The following RANBP2 variants were observed in gnomAD, a reference collection of about 807,000 sequenced individuals.
The protein encoded by RANBP2 is RAN binding protein 2, also known as E3 SUMO-protein ligase RanBP2.
A neutral mutation model predicts 303.6 loss-of-function variants in RANBP2; 57 were observed. The ratio of observed to expected loss-of-function variants is 0.19; its 90% CI spans 0.15 to 0.23. RANBP2 has a LOEUF of 0.23. RANBP2 is among the 10% of genes least tolerant of loss of function. The probability of loss-of-function intolerance (pLI) is 1.00; values close to 1 mark genes in which losing one functional copy is unlikely to be tolerated. For missense variants in RANBP2, 3,138 were observed against 3,780.8 expected, an observed-to-expected ratio of 0.83 and a Z score of 4.46; for synonymous variants, 1,167 against 1,301.5, an observed-to-expected ratio of 0.90 and a Z score of 2.23.
chr2:109,592,884 T>C, the RANBP2 span, among the ~76,000 whole-genome samples: 2 of 151,716 alleles, frequency 1.3e-5, no homozygotes, highest in African/African-American at 2.4e-5. Flanking sequence ...AATTATTCAA[T>C]CCATCATCGA....
the RANBP2 span, chr2:108,930,313 A>T: frequency 6.2e-7 from 1 of 1,602,288 alleles, no homozygotes; most frequent in Non-Finnish European, 8.5e-7. Context: ...CAAGACCCCA[A>T]GGTTGACATA....
chr2:109,568,078 C>T, the RANBP2 span: 36 of 911,470 alleles, frequency 3.9e-5, no homozygotes, highest in Non-Finnish European at 5.7e-5. Context: ...ATGAATTTCC[C>T]TAAACCTAGA....
chr2:108,981,636 G>A, the RANBP2 span, among the ~76,000 whole-genome samples: 5 of 152,210 alleles, frequency 3.3e-5, no homozygotes, highest in East Asian at 3.9e-4. Flanking sequence ...ACCTCTGCTC[G>A]ATATATACTA....
the RANBP2 span, chr2:109,546,251 T>G: frequency 5.9e-6 from 9 of 1,526,232 alleles, no homozygotes; most frequent in East Asian, 2.1e-4. Context: ...GAAACAAAAG[T>G]GCAATCCCCA....
At chr2:109,664,163 A>G in the RANBP2 span, among the ~76,000 whole-genome samples, 1 of 152,224 alleles carries the variant, frequency 6.6e-6, no homozygotes, top group South Asian at 2.1e-4. Context: ...CCATTGAAAA[A>G]GGTCTTTTTA....
At chr2:108,742,423 C>G (rs1025689115) in intron 7 of RANBP2, among the ~76,000 whole-genome samples, 2 of 152,150 alleles carry the variant, frequency 1.3e-5, no homozygotes, top group African/African-American at 4.8e-5. Flanking sequence ...CCTGCTTCAG[C>G]CTGTCACGTA....
chr2:109,086,479 G>A, the RANBP2 span, among the ~76,000 whole-genome samples: 5 of 152,200 alleles, frequency 3.3e-5, no homozygotes, highest in Non-Finnish European at 7.4e-5. Context: ...TAAGGCTCAG[G>A]TTGGAAACTT....
chr2:109,641,607 G>A, the RANBP2 span, among the ~76,000 whole-genome samples: 1 of 152,138 alleles, frequency 6.6e-6, no homozygotes, highest in Admixed American at 6.6e-5. Flanking sequence ...GCAAAAAGGA[G>A]TTATTTTTAA....
chr2:108,791,563 A>G, the RANBP2 span: 6 of 1,287,548 alleles, frequency 4.7e-6, no homozygotes, highest in Non-Finnish European at 6.7e-6. Flanking sequence ...AGTTTAAAAA[A>G]TGTTTTTACA....
the RANBP2 span, among the ~76,000 whole-genome samples, chr2:109,407,460 A>G: frequency 6.6e-6 from 1 of 152,148 alleles, no homozygotes; most frequent in Non-Finnish European, 1.5e-5. Context: ...GGGTCTTATT[A>G]TCTCTGCCAC....
chr2:109,648,667 T>TC, the RANBP2 span, among the ~76,000 whole-genome samples: 1 of 150,616 alleles, frequency 6.6e-6, no homozygotes, highest in South Asian at 2.1e-4. Context: ...TTTTTTTTTT[T>TC]TTCTGAGACG....
At chr2:109,531,586 C>A in the RANBP2 span, among the ~76,000 whole-genome samples, 1 of 152,180 alleles carries the variant, frequency 6.6e-6, no homozygotes, top group Admixed American at 6.5e-5. Context: ...TCATTGGAAT[C>A]ATGATTGATT....
the RANBP2 span, among the ~76,000 whole-genome samples, chr2:108,824,757 C>T: frequency 6.6e-6 from 1 of 151,974 alleles, no homozygotes; most frequent in African/African-American, 2.4e-5. Context: ...CTACTGGCAG[C>T]ACAGTAGTTT....
chr2:109,129,783 C>T, the RANBP2 span: 2 of 1,539,290 alleles, frequency 1.3e-6, no homozygotes, highest in Admixed American at 2.0e-5. Context: ...GCCGCCGCTG[C>T]CTGGAGAGCA....
the RANBP2 span, among the ~76,000 whole-genome samples, chr2:109,169,864 CACAG>C: frequency 9.9e-5 from 15 of 152,086 alleles, no homozygotes; most frequent in Non-Finnish European, 1.6e-4. Context: ...CTTCCATGAA[CACAG>C]ATGCTCCCTC....
At chr2:109,065,167 A>T in the RANBP2 span, among the ~76,000 whole-genome samples, 7 of 152,298 alleles carry the variant, frequency 4.6e-5, no homozygotes, top group African/African-American at 1.7e-4. Flanking sequence ...CAACATTAGG[A>T]GGCACTCTAG....
At chr2:109,263,655 A>T in the RANBP2 span, among the ~76,000 whole-genome samples, 3 of 152,140 alleles carry the variant, frequency 2.0e-5, no homozygotes, top group Non-Finnish European at 4.4e-5. Flanking sequence ...GTCAGTGGAG[A>T]GACTGTACTA....
chr2:109,312,402 C>T, the RANBP2 span, among the ~76,000 whole-genome samples: 2 of 152,082 alleles, frequency 1.3e-5, no homozygotes, highest in African/African-American at 4.8e-5. Flanking sequence ...TAAAGTGTGC[C>T]AGTGGAATTT....
the RANBP2 span, among the ~76,000 whole-genome samples, chr2:109,140,078 G>C: frequency 6.6e-6 from 1 of 152,170 alleles, no homozygotes; most frequent in Non-Finnish European, 1.5e-5. Flanking sequence ...ACAGGTCTGC[G>C]GAAGGCTTTC....
Sources: gnomAD v4.1 joint callset for allele counts (sites outside exome capture counted in the v4.1 genomes callset) on GRCh38, gnomAD v4.1.1 for gene constraint, MANE v1.5 for transcripts, NCBI Gene and HGNC (gene_info 2026-07-23, HGNC 2026-07-21) for gene names.